NADK: variants seen among roughly 807,000 people sequenced by gnomAD.
NADK encodes the protein poly(P)/ATP NAD kinase.
A neutral mutation model predicts 49.8 loss-of-function variants in NADK; 22 were observed. The observed-to-expected ratio is 0.44, with a 90% CI of 0.32 to 0.63. NADK has a LOEUF of 0.63. NADK is among the 30% of genes least tolerant of loss of function. The pLI, the probability that NADK is intolerant of heterozygous loss-of-function variation, is 0.06. For synonymous variants in NADK, 268 were observed against 253.7 expected, an observed-to-expected ratio of 1.06 and a Z score of -0.54; for missense variants, 438 against 609.4, an observed-to-expected ratio of 0.72 and a Z score of 2.96.
At chr1:1,759,941 C>CG in intron 3 of NADK, 1 of 1,546,746 alleles carries the variant, frequency 6.5e-7, no homozygotes, top group Non-Finnish European at 8.7e-7. Flanking sequence ...CACCAGGCAG[C>CG]GGGGGAGAGG....
At chr1:1,769,849 G>A (rs186686283) in intron 1 of NADK, among the ~76,000 whole-genome samples, 5 of 152,264 alleles carry the variant, frequency 3.3e-5, no homozygotes, top group Admixed American at 1.3e-4. Flanking sequence ...AGCCGAGGTG[G>A]GTGGATCATT....
At chr1:1,767,996 A>G (rs571278423) in intron 1 of NADK, among the ~76,000 whole-genome samples, 1 of 151,982 alleles carries the variant, frequency 6.6e-6, no homozygotes, top group East Asian at 1.9e-4. Flanking sequence ...AACATAGTGA[A>G]ACTCTGTCCC....
chr1:1,759,595 C>CATGGGAAGCCCTGCCCCTCCACAGCGGGG, intron 3 of NADK: 1 of 1,041,774 alleles, frequency 9.6e-7, no homozygotes, highest in Non-Finnish European at 1.4e-6. Flanking sequence ...AGTTCAGATG[C>CATGGGAAGCCCTGCCCCTCCACAGCGGGG]ATGGGAAGCC....
At chr1:1,766,150 T>C (rs1645878616) in intron 1 of NADK, among the ~76,000 whole-genome samples, 1 of 151,504 alleles carries the variant, frequency 6.6e-6, no homozygotes, top group Non-Finnish European at 1.5e-5. Flanking sequence ...GACCCTGTCT[T>C]AAGAAAAGAA....
chr1:1,759,221 G>A (rs950824257), intron 3 of NADK: 2 of 1,575,786 alleles, frequency 1.3e-6, no homozygotes, highest in Admixed American at 1.8e-5. Context: ...ACAAACCAGC[G>A]CCTCGACCTC....
At chr1:1,767,196 C>T (rs1344697411) in intron 1 of NADK, among the ~76,000 whole-genome samples, 2 of 152,156 alleles carry the variant, frequency 1.3e-5, no homozygotes, top group Admixed American at 6.6e-5. Context: ...GGATTACAGG[C>T]GTAAGCCACC....
At chr1:1,753,483 A>T in intron 11 of NADK, 84 bp downstream of exon 11, 1 of 1,174,518 alleles carries the variant, frequency 8.5e-7, no homozygotes, top group Non-Finnish European at 1.2e-6. Flanking sequence ...AGCTGTGTCT[A>T]CAGGCCAACC....
intron 3 of NADK, chr1:1,758,297 G>T: frequency 6.6e-7 from 1 of 1,523,258 alleles, no homozygotes; most frequent in South Asian, 1.3e-5. Flanking sequence ...CACAGACGCC[G>T]ATGGCAGCCA....
At chr1:1,760,329 C>T (rs937996381) in intron 3 of NADK, among the ~76,000 whole-genome samples, 15 of 152,206 alleles carry the variant, frequency 9.9e-5, no homozygotes, top group South Asian at 2.1e-4. Context: ...TAAGGGGCTC[C>T]GTCAGCGTCT....
rs1242066019 is a variant in NADK, at chr1:1,752,611, G to A, written c.*293C>T. The A allele has an allele frequency of 3.0e-6, 1 of 334,920 alleles. No individual in the cohort carries two copies. Among genetic ancestry groups the A allele is most frequent in the African/African-American group, 2.1e-5 (1 of 47,426 alleles). The allele number at this position is 334,920 out of a possible 1,614,324, so 20.7% of individuals were successfully genotyped here. On this transcript the variant is annotated 3_prime_UTR_variant, in exon 12 of 12. Coordinates refer to ENST00000341426, the MANE Select transcript of NADK (RefSeq NM_023018.5). ...CGACTGATTTGCGGAAAAATATCCT[G>A]GCATGGAAATTGCGGCAGCTGGAGG... is the stretch of plus-strand genomic sequence containing the variant.
At chr1:1,771,407 T>G (rs1646048937) in intron 1 of NADK, among the ~76,000 whole-genome samples, 1 of 151,986 alleles carries the variant, frequency 6.6e-6, no homozygotes, top group East Asian at 1.9e-4. Flanking sequence ...AAAATTCACA[T>G]GAAAATGTAA....
intron 1 of NADK, among the ~76,000 whole-genome samples, chr1:1,771,742 G>T (rs1399438374): frequency 6.6e-6 from 1 of 152,054 alleles, no homozygotes; most frequent in East Asian, 1.9e-4. Context: ...ACTCAGAATG[G>T]ATTATAGACC....
At chr1:1,757,890 A>G (rs1353991039) in intron 3 of NADK, among the ~76,000 whole-genome samples, 1 of 152,062 alleles carries the variant, frequency 6.6e-6, no homozygotes, top group Admixed American at 6.6e-5. Flanking sequence ...AGTAAAAATC[A>G]CAGGTTTAAA....
rs1446309853 is a variant in NADK, at chr1:1,752,606, AT to A, written c.*297del. 2 of 320,206 alleles carry A rather than the reference AT, an allele frequency of 6.2e-6. No homozygotes were observed. The highest frequency in any genetic ancestry group is 4.2e-5 in the African/African-American group (2 of 47,104). The allele number at this position is 320,206 out of a possible 1,614,324, so 19.8% of individuals were successfully genotyped here. A position where few individuals can be genotyped will look rare whatever the true frequency, so the allele number is the denominator to read the frequency against. The stretch of plus-strand genomic sequence containing the variant: ...TCAACCGACTGATTTGCGGAAAAAT[AT>A]CCTGGCATGGAAATTGCGGCAGCTG... On this transcript the variant is annotated 3_prime_UTR_variant, in exon 12 of 12. Coordinates refer to ENST00000341426, the MANE Select transcript of NADK (RefSeq NM_023018.5).
At position 1,752,883 on chromosome 1, in the gene NADK, G is replaced by A. The variant is rs141226719; in HGVS notation, c.*21C>T. The A allele has an allele frequency of 1.0e-5, 16 of 1,605,266 alleles. No homozygotes were observed. Among genetic ancestry groups the A allele is most frequent in the Admixed American group, 3.4e-5 (2 of 59,466 alleles). On this transcript the variant is annotated 3_prime_UTR_variant, in exon 12 of 12. Transcript: ENST00000341426. Reference sequence around the variant, plus strand: ...CGCTTGGAGGGCAGCGGAAGGATTCGGGCCTGGATAGGGGCTTGACCTAGC... The same window carrying A: ...CGCTTGGAGGGCAGCGGAAGGATTCAGGCCTGGATAGGGGCTTGACCTAGC...
At position 1,756,298 on chromosome 1, in the gene NADK, C is replaced by A. The variant is rs751182182; in HGVS notation, c.545G>T (p.Gly182Val). ...AGCGTACAGCAGCGTCCCGTCTCCC[C>A]CCAGGCAGATGATGAAGTCTATCTG... ...SNQIDFIICLGGDGTLLYASS... is the reference protein window; with the variant it reads ...SNQIDFIICLVGDGTLLYASS... Residue 182 changes from glycine to valine, a missense_variant, in exon 6 of 12, where the codon GGG becomes GTG. Gly to Val is a moderately radical substitution (Grantham distance 109, BLOSUM62 -3). Coordinates refer to ENST00000341426, the MANE Select transcript of NADK (RefSeq NM_023018.5). The A allele has an allele frequency of 6.2e-7, 1 of 1,614,170 alleles. No individual in the cohort carries two copies. Among genetic ancestry groups the A allele is most frequent in the Non-Finnish European group, 8.5e-7 (1 of 1,180,024 alleles).
chr1:1,759,030 C>A, intron 3 of NADK: 9 of 1,446,238 alleles, frequency 6.2e-6, no homozygotes, highest in Non-Finnish European at 8.2e-6. Context: ...GTCCTCCGGC[C>A]TGGTCAGCCA....
chr1:1,753,721 T>TG (rs1645409333), intron 10 of NADK, 72 bp from the exon 11 acceptor site: 1 of 1,365,438 alleles, frequency 7.3e-7, no homozygotes, highest in Non-Finnish European at 1.0e-6. Flanking sequence ...CACCCCTGAG[T>TG]GCTCGCCAGA....
intron 1 of NADK, among the ~76,000 whole-genome samples, chr1:1,768,138 T>A (rs1645940533): frequency 6.9e-6 from 1 of 144,666 alleles, no homozygotes; most frequent in Non-Finnish European, 1.5e-5. Context: ...GCCACTGCAC[T>A]CCAGCCTGGG....
Sources: gnomAD v4.1 joint callset for allele counts (sites outside exome capture counted in the v4.1 genomes callset) on GRCh38, gnomAD v4.1.1 for gene constraint, MANE v1.5 for transcripts, NCBI Gene and HGNC (gene_info 2026-07-23, HGNC 2026-07-21) for gene names.